The following EXOC4 variants were observed in gnomAD, a reference collection of about 807,000 sequenced individuals.
The protein encoded by EXOC4 is SEC8-like 1.
A neutral mutation model predicts 107.2 loss-of-function variants in EXOC4; 71 were observed. The observed-to-expected ratio is 0.66, with a 90% CI of 0.55 to 0.81. The LOEUF is 0.81. Ranked by LOEUF, EXOC4 falls within the 30% of genes least tolerant of loss-of-function variation. EXOC4 has a pLI of 0.00. For synonymous variants in EXOC4, 456 were observed against 441.2 expected (o/e 1.03, Z -0.42); for missense variants, 1,108 against 1,189.6 (o/e 0.93, Z 1.01).
intron 2 of EXOC4, among the ~76,000 whole-genome samples, chr7:133,286,955 G>A (rs1429315953): frequency 1.3e-5 from 2 of 152,164 alleles, no homozygotes; most frequent in Admixed American, 6.5e-5. Context: ...GCTTGATGGG[G>A]ATTTGGGGCT....
intron 14 of EXOC4, among the ~76,000 whole-genome samples, chr7:133,977,454 G>A (rs1397820580): frequency 1.3e-5 from 2 of 152,114 alleles, no homozygotes; most frequent in African/African-American, 4.8e-5. Context: ...CAAATCACTT[G>A]CTTCCAAATA....
chr7:133,991,668 A>G (rs1035066196), intron 14 of EXOC4, among the ~76,000 whole-genome samples: 5 of 152,182 alleles, frequency 3.3e-5, no homozygotes, highest in African/African-American at 1.2e-4. Flanking sequence ...TCTTTGGCAT[A>G]CAGATAGCCA....
At chr7:133,591,738 G>A (rs1259923131) in intron 9 of EXOC4, among the ~76,000 whole-genome samples, 1 of 152,136 alleles carries the variant, frequency 6.6e-6, no homozygotes, top group African/African-American at 2.4e-5. Flanking sequence ...TCAGGTCTGT[G>A]CACTGCTGGT....
rs546457741 is a variant in EXOC4 at position 133,982,657 on chromosome 7, G to A, written c.2207-14835G>A. 4.6e-5 allele frequency among the ~76,000 whole-genome samples: 7 copies of A among 152,300 alleles called. No homozygotes were observed. The South Asian group carries it at 1.0e-3, about 23-fold the overall frequency. On this transcript the variant is annotated intron_variant, in intron 14 of 17. Coordinates refer to ENST00000253861, the MANE Select transcript of EXOC4 (RefSeq NM_021807.4). Reference sequence around the variant, plus strand: ...ATGTATTAGCAATTGTGTGTCAAACGCTGTTCTAAGCCTTTATATAGTTTC... The same window carrying A: ...ATGTATTAGCAATTGTGTGTCAAACACTGTTCTAAGCCTTTATATAGTTTC...
At chr7:133,276,973 T>A (rs924323537) in intron 2 of EXOC4, among the ~76,000 whole-genome samples, 1 of 152,088 alleles carries the variant, frequency 6.6e-6, no homozygotes, top group African/African-American at 2.4e-5. Flanking sequence ...GCATTTTTTT[T>A]TTTTTGAGAC....
At chr7:133,544,842 T>A (rs1339459562) in intron 9 of EXOC4, among the ~76,000 whole-genome samples, 1 of 151,976 alleles carries the variant, frequency 6.6e-6, no homozygotes, top group Non-Finnish European at 1.5e-5. Flanking sequence ...TTTTTTTTTT[T>A]TTTTCCCCTG....
chr7:133,587,323 C>T (rs1020624849), intron 9 of EXOC4, among the ~76,000 whole-genome samples: 5 of 152,070 alleles, frequency 3.3e-5, no homozygotes, highest in African/African-American at 9.7e-5. Context: ...AAAATGAAAA[C>T]GAGAAGAATA....
intron 9 of EXOC4, among the ~76,000 whole-genome samples, chr7:133,607,474 C>T (rs1391759355): frequency 1.3e-5 from 2 of 152,200 alleles, no homozygotes; most frequent in African/African-American, 4.8e-5. Context: ...ATAGATTCGG[C>T]AGCATCAAAA....
At chr7:133,789,187 G>A (rs905523741) in intron 10 of EXOC4, among the ~76,000 whole-genome samples, 5 of 152,188 alleles carry the variant, frequency 3.3e-5, no homozygotes, top group African/African-American at 1.2e-4. Flanking sequence ...AGAAAGGAAG[G>A]AGGAAAGGAA....
At chr7:133,922,816 T>C (rs1330250881) in intron 13 of EXOC4, among the ~76,000 whole-genome samples, 1 of 151,216 alleles carries the variant, frequency 6.6e-6, no homozygotes, top group Admixed American at 6.6e-5. Flanking sequence ...ACCACTGCAC[T>C]CAAGCCTGGG....
intron 7 of EXOC4, among the ~76,000 whole-genome samples, chr7:133,391,133 AT>A (rs1416435041): frequency 6.6e-6 from 1 of 152,224 alleles, no homozygotes; most frequent in Admixed American, 6.5e-5. Flanking sequence ...TGGCACAAAC[AT>A]TTTTTGACTA....
intron 11 of EXOC4, among the ~76,000 whole-genome samples, chr7:133,863,216 A>C (rs1798571232): frequency 6.6e-6 from 1 of 152,218 alleles, no homozygotes; most frequent in Non-Finnish European, 1.5e-5. Context: ...CTGCCATTGC[A>C]GGGCTATGGG....
intron 4 of EXOC4, 31 bp from the exon 5 acceptor site, chr7:133,317,253 A>G (rs1795009705): frequency 6.6e-7 from 1 of 1,508,850 alleles, no homozygotes; most frequent in Non-Finnish European, 9.2e-7. Context: ...TTTTGAAGAA[A>G]GTGGTAACTA....
chr7:133,877,770 GTGCTCTC>G (rs1798881128), intron 11 of EXOC4, among the ~76,000 whole-genome samples: 1 of 152,188 alleles, frequency 6.6e-6, no homozygotes, highest in African/African-American at 2.4e-5. Context: ...TTGCACACAT[GTGCTCTC>G]TTTCTCTCCC....
At chr7:133,519,258 T>C (rs1799937814) in intron 9 of EXOC4, among the ~76,000 whole-genome samples, 2 of 151,848 alleles carry the variant, frequency 1.3e-5, no homozygotes, top group South Asian at 4.1e-4. Context: ...CTATAAAAAA[T>C]ACAAAAATTA....
chr7:133,566,254 T>C (rs2150954986), intron 9 of EXOC4, among the ~76,000 whole-genome samples: 1 of 152,328 alleles, frequency 6.6e-6, no homozygotes, highest in East Asian at 1.9e-4. Context: ...ATCTGTGCTT[T>C]ATCTATAATC....
chr7:133,310,156 G>A (rs1375955392), intron 4 of EXOC4, among the ~76,000 whole-genome samples: 1 of 152,156 alleles, frequency 6.6e-6, no homozygotes, highest in African/African-American at 2.4e-5. Flanking sequence ...ATCTAGATAT[G>A]TATATTTAAA....
intron 9 of EXOC4, among the ~76,000 whole-genome samples, chr7:133,545,237 A>G (rs1800458217): frequency 6.6e-6 from 1 of 152,156 alleles, no homozygotes; most frequent in African/African-American, 2.4e-5. Context: ...TTTTCCAGAT[A>G]ACTAAATCCT....
intron 10 of EXOC4, among the ~76,000 whole-genome samples, chr7:133,787,491 A>G (rs968568065): frequency 3.3e-5 from 5 of 152,042 alleles, no homozygotes; most frequent in Admixed American, 6.6e-5. Flanking sequence ...AGTGCTTTAT[A>G]GTTAAAGAGA....
Sources: gnomAD v4.1 joint callset for allele counts (sites outside exome capture counted in the v4.1 genomes callset) on GRCh38, gnomAD v4.1.1 for gene constraint, MANE v1.5 for transcripts, NCBI Gene and HGNC (gene_info 2026-07-23, HGNC 2026-07-21) for gene names.